MRPL42: variants seen among roughly 807,000 people sequenced by gnomAD.
MRPL42 encodes large ribosomal subunit protein mL42.
Under a neutral mutation model 17.9 loss-of-function variants are expected in MRPL42, and 17 were observed. That is an observed-to-expected ratio of 0.95 (90% CI 0.65 to 1.42). The LOEUF (loss-of-function observed/expected upper bound fraction) is 1.42, where lower values mean the gene tolerates loss of function less well. MRPL42 is among the 40% of genes most tolerant of loss of function. The pLI is 0.00. For missense variants in MRPL42, 177 were observed against 175.2 expected, an observed-to-expected ratio of 1.01 and a Z score of -0.06; for synonymous variants, 59 against 54.4, an observed-to-expected ratio of 1.08 and a Z score of -0.37.
intron 2 of MRPL42, among the ~76,000 whole-genome samples, chr12:93,475,024 C>A (rs774090793): frequency 2.0e-5 from 3 of 151,874 alleles, no homozygotes; most frequent in African/African-American, 4.8e-5. Context: ...ACATGGGAGG[C>A]GGAGGTTGCA....
chr12:93,497,173 C>T (rs115126373), intron 5 of MRPL42, among the ~76,000 whole-genome samples: 1 of 152,174 alleles, frequency 6.6e-6, no homozygotes, highest in East Asian at 1.9e-4. Flanking sequence ...TGATACTATT[C>T]CCCCAACAAC....
At chr12:93,477,063 C>A in intron 3 of MRPL42, 46 bp downstream of exon 3, 1 of 1,297,906 alleles carries the variant, frequency 7.7e-7, no homozygotes, top group Non-Finnish European at 1.1e-6. Flanking sequence ...TTAGCTATAG[C>A]TGAAATGATT....
At position 93,513,547 on chromosome 12, in the gene MRPL42, A is replaced by T. The variant is rs188408009; in HGVS notation, c.*12326A>T. 22 of 152,298 alleles carry T rather than the reference A, an allele frequency of 1.4e-4. No individual in the cohort carries two copies. Among genetic ancestry groups the T allele is most frequent in the African/African-American group, 5.3e-4 (22 of 41,576 alleles). 9.4% of individuals were successfully genotyped at this position (152,298 alleles called of 1,614,324 possible). On this transcript the variant is annotated 3_prime_UTR_variant, in exon 6 of 6. Coordinates refer to ENST00000549982, the MANE Select transcript of MRPL42 (RefSeq NM_014050.4). ...TTCAAAGTATATCTAATGGTCTAAT[A>T]AACAGAATCACTACTTCAATTATAA...
intron 3 of MRPL42, among the ~76,000 whole-genome samples, chr12:93,478,967 T>C (rs1234099243): frequency 1.3e-5 from 2 of 150,694 alleles, no homozygotes; most frequent in African/African-American, 2.4e-5. Flanking sequence ...AGTCTCATTC[T>C]TTTGCCCAGG....
intron 2 of MRPL42, among the ~76,000 whole-genome samples, chr12:93,476,073 A>G (rs1179004957): frequency 1.3e-5 from 2 of 152,232 alleles, no homozygotes; most frequent in African/African-American, 4.8e-5. Context: ...ATGCTTTAAA[A>G]TGTAAGCATT....
intron 5 of MRPL42, among the ~76,000 whole-genome samples, chr12:93,495,197 G>C (rs574272653): frequency 1.3e-4 from 20 of 152,242 alleles, no homozygotes; most frequent in African/African-American, 4.3e-4. Flanking sequence ...CTAATTTTTT[G>C]TGGTTGTGTG....
In MRPL42 at chr12:93,499,789, A is replaced by G. The variant is rs1407012241; in HGVS notation, c.384-1387A>G. Among the ~76,000 whole-genome samples the G allele has an allele frequency of 2.0e-5, 3 of 152,208 alleles. No homozygotes were observed. In the East Asian group the frequency reaches 5.8e-4, roughly 29 times the overall value. On this transcript the variant is annotated intron_variant, in intron 5 of 5. Transcript: ENST00000549982. ...AAATTTTCAAAAATAAAATCAGTGT[A>G]TCAGGAAGTTGCCCATATGAAACCT... is the stretch of plus-strand genomic sequence containing the variant.
In MRPL42 at chr12:93,505,232, T is replaced by TAAGA. The variant is rs1953656344; in HGVS notation, c.*4012_*4015dup. Reference sequence around the variant, plus strand: ...TAGCACGTGTGGTTTCCACATATTCTAAGAGGCATCTTCAATTAGATTCCA... The same window carrying TAAGA: ...TAGCACGTGTGGTTTCCACATATTCTAAGAAAGAGGCATCTTCAATTAGATTCCA... On this transcript the variant is annotated 3_prime_UTR_variant, in exon 6 of 6. Coordinates refer to ENST00000549982, the MANE Select transcript of MRPL42 (RefSeq NM_014050.4). The TAAGA allele has an allele frequency of 6.6e-6, 1 of 152,186 alleles. No homozygotes were observed. The highest frequency in any genetic ancestry group is 2.4e-5 in the African/African-American group (1 of 41,442). The allele number at this position is 152,186 out of a possible 1,614,324, so 9.4% of individuals were successfully genotyped here. A position where few individuals can be genotyped will look rare whatever the true frequency, so the allele number is the denominator to read the frequency against.
In MRPL42 at chr12:93,509,819, G is replaced by A. The variant is rs1262660541; in HGVS notation, c.*8598G>A. The A allele has an allele frequency of 6.6e-6, 1 of 151,712 alleles. No individual in the cohort carries two copies. Among genetic ancestry groups the A allele is most frequent in the Non-Finnish European group, 1.5e-5 (1 of 67,974 alleles). The allele number at this position is 151,712 out of a possible 1,614,324, so 9.4% of individuals were successfully genotyped here. A position where few individuals can be genotyped will look rare whatever the true frequency, so the allele number is the denominator to read the frequency against. On this transcript the variant is annotated 3_prime_UTR_variant, in exon 6 of 6. Transcript: ENST00000549982. ...TTTTAAAAGTAGTTTTAGGTTCTGA[G>A]CAAAATTGAGAGGAGGGTACAGAAA...
chr12:93,499,981 A>G (rs902726888), intron 5 of MRPL42, among the ~76,000 whole-genome samples: 1 of 152,206 alleles, frequency 6.6e-6, no homozygotes, highest in African/African-American at 2.4e-5. Flanking sequence ...AAATTTTTGA[A>G]CGTAACTCAT....
At chr12:93,478,681 A>G (rs1277456449) in intron 3 of MRPL42, among the ~76,000 whole-genome samples, 1 of 152,210 alleles carries the variant, frequency 6.6e-6, no homozygotes. Context: ...TCTCGTGAAG[A>G]AATCGTTTGA....
intron 5 of MRPL42, among the ~76,000 whole-genome samples, chr12:93,490,840 C>G (rs2121247195): frequency 6.6e-6 from 1 of 152,308 alleles, no homozygotes; most frequent in Non-Finnish European, 1.5e-5. Context: ...TATATAACTT[C>G]TTCTTAAATA....
chr12:93,481,441 A>G (rs1462625461), intron 4 of MRPL42, among the ~76,000 whole-genome samples: 5 of 152,108 alleles, frequency 3.3e-5, no homozygotes, highest in African/African-American at 1.2e-4. Context: ...AACAATTTCT[A>G]GCTTTGTAGC....
Position 93,501,013 on chromosome 12 carries a change from A to G in MRPL42, c.384-163A>G, listed in dbSNP as rs569009733. 6 of 552,608 alleles carry G rather than the reference A, an allele frequency of 1.1e-5. No individual in the cohort carries two copies. In the African/African-American group the frequency reaches 1.2e-4, roughly 11 times the overall value. The allele number at this position is 552,608 out of a possible 1,614,324, so 34.2% of individuals were successfully genotyped here. A position where few individuals can be genotyped will look rare whatever the true frequency, so the allele number is the denominator to read the frequency against. On this transcript the variant is annotated intron_variant, in intron 5 of 5. Coordinates refer to ENST00000549982, the MANE Select transcript of MRPL42 (RefSeq NM_014050.4). Reference sequence around the variant, plus strand: ...GGTAAAGAAAAGAAAACAAATTTTCACAATGGGAGAATGTGGCTTATTACT... The same window carrying G: ...GGTAAAGAAAAGAAAACAAATTTTCGCAATGGGAGAATGTGGCTTATTACT...
At chr12:93,475,329 T>A (rs1880113061) in intron 2 of MRPL42, among the ~76,000 whole-genome samples, 1 of 151,906 alleles carries the variant, frequency 6.6e-6, no homozygotes, top group Non-Finnish European at 1.5e-5. Flanking sequence ...TTGGCCAGGC[T>A]GGTCTTGAAC....
intron 5 of MRPL42, among the ~76,000 whole-genome samples, chr12:93,495,258 G>C (rs542900380): frequency 6.6e-6 from 1 of 152,140 alleles, no homozygotes; most frequent in South Asian, 2.1e-4. Flanking sequence ...TTGCTCAAAT[G>C]ATGTGTTCTA....
rs1953700537 is a variant in MRPL42 at position 93,509,169 on chromosome 12, TA to T, written c.*7952del. On this transcript the variant is annotated 3_prime_UTR_variant, in exon 6 of 6. Coordinates refer to ENST00000549982, the MANE Select transcript of MRPL42 (RefSeq NM_014050.4). Reference sequence around the variant, plus strand: ...CACCACTGCACTCCAGTCTGGGTGATAAAACGAGATTCCGTCTCAAAAAAAA... The same window carrying T: ...CACCACTGCACTCCAGTCTGGGTGATAAACGAGATTCCGTCTCAAAAAAAA... 9.2e-6 allele frequency: 1 copy of T among 109,104 alleles called. No individual in the cohort carries two copies. The highest frequency in any genetic ancestry group is 1.8e-5 in the Non-Finnish European group (1 of 55,402). The allele number at this position is 109,104 out of a possible 1,614,324, so 6.8% of individuals were successfully genotyped here.
In MRPL42 at chr12:93,506,967, A is replaced by G. The variant is rs1953677741; in HGVS notation, c.*5746A>G. On this transcript the variant is annotated 3_prime_UTR_variant, in exon 6 of 6. Coordinates refer to ENST00000549982, the MANE Select transcript of MRPL42 (RefSeq NM_014050.4). ...AGATGATTTTTGGGGACTGATTTGG[A>G]AACAGATCCAAAGACACTAATTGAC... is the stretch of plus-strand genomic sequence containing the variant. 6.6e-6 allele frequency: 1 copy of G among 152,220 alleles called. No homozygotes were observed. The highest frequency in any genetic ancestry group is 1.5e-5 in the Non-Finnish European group (1 of 68,030). The allele number at this position is 152,220 out of a possible 1,614,324, so 9.4% of individuals were successfully genotyped here.
At chr12:93,487,798 C>CTTT in intron 5 of MRPL42, 138 bp downstream of exon 5, 4 of 669,962 alleles carry the variant, frequency 6.0e-6, no homozygotes, top group South Asian at 2.2e-5. Context: ...CTATGTTGTA[C>CTTT]TTTTTTTTTC....
Sources: gnomAD v4.1 joint callset for allele counts (sites outside exome capture counted in the v4.1 genomes callset) on GRCh38, gnomAD v4.1.1 for gene constraint, MANE v1.5 for transcripts, NCBI Gene and HGNC (gene_info 2026-07-23, HGNC 2026-07-21) for gene names.